Variants in GRM8 observed in about 807,000 individuals in gnomAD.
The protein encoded by GRM8 is metabotropic glutamate receptor 8.
In GRM8, 47 loss-of-function variants were observed where a neutral mutation model predicts 87.2. The ratio of observed to expected loss-of-function variants is 0.54; its 90% CI spans 0.43 to 0.69. GRM8 has a LOEUF of 0.69. Ranked by LOEUF, GRM8 falls within the 30% of genes least tolerant of loss-of-function variation. The pLI, the probability that GRM8 is intolerant of heterozygous loss-of-function variation, is 0.00. For missense variants in GRM8, 1,019 were observed against 1,139.2 expected (o/e 0.89, Z 1.52); for synonymous variants, 396 against 404.5 (o/e 0.98, Z 0.25).
intron 3 of GRM8, among the ~76,000 whole-genome samples, chr7:127,072,655 C>G (rs1309972481): frequency 6.7e-6 from 1 of 149,412 alleles, no homozygotes; most frequent in Non-Finnish European, 1.5e-5. Context: ...TTTGCAGCAT[C>G]TGGCTCAACA....
At chr7:126,894,979 T>C (rs2131130154) in intron 6 of GRM8, among the ~76,000 whole-genome samples, 1 of 152,220 alleles carries the variant, frequency 6.6e-6, no homozygotes, top group East Asian at 1.9e-4. Context: ...GTGTTCAGAA[T>C]ATTTTTTGTT....
At chr7:127,129,347 C>T (rs1827547538) in intron 2 of GRM8, among the ~76,000 whole-genome samples, 1 of 152,034 alleles carries the variant, frequency 6.6e-6, no homozygotes, top group Admixed American at 6.6e-5. Context: ...AACTGCTTTC[C>T]CCAAATCAAG....
intron 9 of GRM8, among the ~76,000 whole-genome samples, chr7:126,499,915 T>A (rs1395754029): frequency 2.2e-5 from 1 of 46,012 alleles, no homozygotes; most frequent in Non-Finnish European, 3.8e-5. Flanking sequence ...ATATATACAA[T>A]TACTTTGTTA....
intron 9 of GRM8, among the ~76,000 whole-genome samples, chr7:126,530,814 T>C (rs1381988106): frequency 6.6e-6 from 1 of 151,966 alleles, no homozygotes; most frequent in Non-Finnish European, 1.5e-5. Flanking sequence ...CATTTATTTA[T>C]TTTTTTTGGT....
At chr7:126,745,418 T>TATATTATATTATA (rs1815539099) in intron 7 of GRM8, among the ~76,000 whole-genome samples, 2 of 150,790 alleles carry the variant, frequency 1.3e-5, no homozygotes, top group Admixed American at 6.6e-5. Context: ...TATATTATAC[T>TATATTATATTATA]TGTTTCTCTT....
intron 3 of GRM8, chr7:127,080,878 C>G (rs189599721): frequency 3.9e-5 from 6 of 152,146 alleles, no homozygotes; most frequent in African/African-American, 1.4e-4. Flanking sequence ...AGACTTCTTG[C>G]TATATAGGAA....
chr7:126,586,430 T>C (rs1415405831), intron 8 of GRM8, among the ~76,000 whole-genome samples: 2 of 152,156 alleles, frequency 1.3e-5, no homozygotes, highest in Non-Finnish European at 2.9e-5. Flanking sequence ...CTTCAAACTA[T>C]ACTACAAGGC....
At chr7:126,555,841 T>G (rs1430306820) in intron 8 of GRM8, among the ~76,000 whole-genome samples, 1 of 152,208 alleles carries the variant, frequency 6.6e-6, no homozygotes, top group Non-Finnish European at 1.5e-5. Flanking sequence ...GAACCACACA[T>G]TTGAATATTT....
At chr7:126,797,260 C>T (rs1822058423) in intron 6 of GRM8, among the ~76,000 whole-genome samples, 1 of 152,012 alleles carries the variant, frequency 6.6e-6, no homozygotes, top group African/African-American at 2.4e-5. Context: ...CGCTAAACCT[C>T]TTAATTTTTA....
intron 2 of GRM8, among the ~76,000 whole-genome samples, chr7:127,178,577 A>G (rs1414490396): frequency 6.6e-6 from 1 of 152,204 alleles, no homozygotes; most frequent in Non-Finnish European, 1.5e-5. Flanking sequence ...AAGAGGAAGG[A>G]AAGAAACTTA....
intron 3 of GRM8, among the ~76,000 whole-genome samples, chr7:127,098,082 C>A (rs1049198334): frequency 2.0e-5 from 3 of 152,180 alleles, no homozygotes; most frequent in Admixed American, 6.5e-5. Flanking sequence ...TACAGTATCA[C>A]TGTACCTGCA....
intron 7 of GRM8, among the ~76,000 whole-genome samples, chr7:126,733,582 A>T (rs1027339587): frequency 6.6e-6 from 1 of 151,738 alleles, no homozygotes; most frequent in Non-Finnish European, 1.5e-5. Context: ...ATTAAAAACA[A>T]TATACAGTAT....
intron 3 of GRM8, among the ~76,000 whole-genome samples, chr7:126,963,016 G>A (rs569896649): frequency 2.0e-5 from 3 of 152,092 alleles, no homozygotes; most frequent in Admixed American, 1.3e-4. Flanking sequence ...TACATTACCT[G>A]TGTTTACATC....
At chr7:127,202,635 A>G (rs1795678674) in intron 2 of GRM8, among the ~76,000 whole-genome samples, 1 of 152,142 alleles carries the variant, frequency 6.6e-6, no homozygotes, top group South Asian at 2.1e-4. Flanking sequence ...ACTGATCCTC[A>G]TTTTACTGGT....
chr7:126,771,065 C>G (rs1238500445), intron 6 of GRM8, among the ~76,000 whole-genome samples: 1 of 152,028 alleles, frequency 6.6e-6, no homozygotes, highest in African/African-American at 2.4e-5. Context: ...CCTCACCAAC[C>G]CTTACACAAC....
chr7:127,224,759 G>C (rs372264482), intron 2 of GRM8, among the ~76,000 whole-genome samples: 5 of 152,088 alleles, frequency 3.3e-5, no homozygotes, highest in African/African-American at 1.2e-4. Context: ...TAATTGGAAG[G>C]GTAAAGGGAG....
intron 6 of GRM8, among the ~76,000 whole-genome samples, chr7:126,850,457 A>G (rs1483126831): frequency 2.6e-5 from 4 of 152,208 alleles, no homozygotes; most frequent in African/African-American, 9.6e-5. Context: ...AGTTGGGTTT[A>G]TTACTCACTA....
chr7:127,180,140 T>C (rs1420317082), intron 2 of GRM8, among the ~76,000 whole-genome samples: 1 of 151,888 alleles, frequency 6.6e-6, no homozygotes, highest in Non-Finnish European at 1.5e-5. Flanking sequence ...AAAATCCAAA[T>C]AACCTCACTA....
At chr7:126,955,352 A>T (rs903954171) in intron 3 of GRM8, among the ~76,000 whole-genome samples, 6 of 152,156 alleles carry the variant, frequency 3.9e-5, no homozygotes, top group African/African-American at 1.2e-4. Context: ...AAAGGCTGTA[A>T]AATAACATTT....
Sources: gnomAD v4.1 joint callset for allele counts (sites outside exome capture counted in the v4.1 genomes callset) on GRCh38, gnomAD v4.1.1 for gene constraint, MANE v1.5 for transcripts, NCBI Gene and HGNC (gene_info 2026-07-23, HGNC 2026-07-21) for gene names.